Variants in CAPZA2 observed in about 807,000 individuals in gnomAD.
CAPZA2 encodes the protein F-actin-capping protein subunit alpha-2.
CAPZA2 carries 13 observed loss-of-function variants against 44.0 expected under a neutral mutation model. The ratio of observed to expected loss-of-function variants is 0.30; its 90% CI spans 0.19 to 0.47. CAPZA2 has a LOEUF of 0.47. Among genes scored for constraint, CAPZA2 ranks in the 20% least tolerant of loss-of-function variants. The pLI, the probability that CAPZA2 is intolerant of heterozygous loss-of-function variation, is 1.00. For missense variants in CAPZA2, 244 were observed against 338.6 expected, an observed-to-expected ratio of 0.72 and a Z score of 2.19; for synonymous variants, 94 against 108.2, an observed-to-expected ratio of 0.87 and a Z score of 0.81.
intron 2 of CAPZA2, among the ~76,000 whole-genome samples, chr7:116,890,597 T>TAC (rs780048437): frequency 2.0e-5 from 1 of 49,528 alleles, no homozygotes; most frequent in African/African-American, 1.8e-4. Flanking sequence ...TATATATATA[T>TAC]ACACACACAC....
chr7:116,891,672 C>T (rs1045281251), intron 2 of CAPZA2, among the ~76,000 whole-genome samples: 4 of 152,102 alleles, frequency 2.6e-5, no homozygotes, highest in South Asian at 2.1e-4. Context: ...CCACCACGCC[C>T]GGCTAGTTTT....
At chr7:116,911,005 A>AG (rs1329966272) in intron 7 of CAPZA2, among the ~76,000 whole-genome samples, 1 of 150,946 alleles carries the variant, frequency 6.6e-6, no homozygotes, top group African/African-American at 2.4e-5. Flanking sequence ...AAAAAAAAAA[A>AG]AAAAAAAGCA....
intron 6 of CAPZA2, among the ~76,000 whole-genome samples, chr7:116,907,188 C>T (rs945046399): frequency 2.0e-5 from 3 of 152,220 alleles, no homozygotes; most frequent in Non-Finnish European, 4.4e-5. Flanking sequence ...GGTTGCTCCA[C>T]TGCTTAGCCA....
intron 1 of CAPZA2, among the ~76,000 whole-genome samples, chr7:116,869,727 A>G (rs1235701930): frequency 6.6e-6 from 1 of 152,236 alleles, no homozygotes; most frequent in East Asian, 1.9e-4. Flanking sequence ...CATTCCATGT[A>G]TGTCTAGCGT....
rs577912245 is a variant in CAPZA2, at chr7:116,915,925, C to T, written c.658-135C>T. On this transcript the variant is annotated intron_variant, in intron 8 of 9. Transcript: ENST00000361183. ...TCCCCTTAGACTTAGAATAATTGAT[C>T]TTACAATATTTATTCTATGTCATAA... The T allele has an allele frequency of 1.0e-5, 6 of 589,640 alleles. No homozygotes were observed. The South Asian group carries it at 1.4e-4, about 14-fold the overall frequency. 36.5% of individuals were successfully genotyped at this position (589,640 alleles called of 1,614,324 possible).
At chr7:116,910,379 T>G (rs79626340) in intron 7 of CAPZA2, 68 bp downstream of exon 7, 8,661 of 808,878 alleles carry the variant, frequency 0.011, 468 homozygotes, top group Admixed American at 0.092. Context: ...ATTCCTAAGT[T>G]TACATTTTCA....
At chr7:116,880,393 ATTTGTT>A (rs999988154) in intron 1 of CAPZA2, among the ~76,000 whole-genome samples, 1 of 151,820 alleles carries the variant, frequency 6.6e-6, no homozygotes, top group Non-Finnish European at 1.5e-5. Flanking sequence ...GCCTACTAGA[ATTTGTT>A]TTTGTTTTTG....
intron 8 of CAPZA2, among the ~76,000 whole-genome samples, chr7:116,914,675 C>T (rs1397241938): frequency 6.6e-6 from 1 of 152,072 alleles, no homozygotes; most frequent in Non-Finnish European, 1.5e-5. Flanking sequence ...CCAGGCTGGT[C>T]TCAAACCCTG....
At chr7:116,864,013 A>G (rs1302193368) in intron 1 of CAPZA2, among the ~76,000 whole-genome samples, 2 of 152,124 alleles carry the variant, frequency 1.3e-5, no homozygotes, top group Non-Finnish European at 2.9e-5. Context: ...GGGGGCGAGC[A>G]ACGTCTCCAT....
chr7:116,912,205 A>G (rs1169096932), intron 8 of CAPZA2, 65 bp downstream of exon 8: 4 of 1,583,822 alleles, frequency 2.5e-6, no homozygotes, highest in Non-Finnish European at 3.4e-6. Context: ...CAGTTTTGGA[A>G]TGAACATTTT....
At chr7:116,880,262 C>A (rs1217130635) in intron 1 of CAPZA2, 1 of 343,568 alleles carries the variant, frequency 2.9e-6, no homozygotes, top group Non-Finnish European at 5.6e-6. Context: ...TGAGTTGGTT[C>A]AAATAATTGT....
intron 6 of CAPZA2, 196 bp from the exon 7 acceptor site, chr7:116,910,037 G>T: frequency 1.8e-6 from 1 of 557,772 alleles, no homozygotes; most frequent in Non-Finnish European, 3.2e-6. Context: ...CTTATCAGTA[G>T]GGTGAAAATT....
chr7:116,881,546 T>C (rs1009831708), intron 1 of CAPZA2, among the ~76,000 whole-genome samples: 9 of 152,096 alleles, frequency 5.9e-5, no homozygotes, highest in African/African-American at 1.2e-4. Context: ...AAGACCATCC[T>C]GGCTAACACG....
chr7:116,908,458 G>C (rs985105531), intron 6 of CAPZA2, among the ~76,000 whole-genome samples: 1 of 152,048 alleles, frequency 6.6e-6, no homozygotes, highest in African/African-American at 2.4e-5. Context: ...TGTAATTACA[G>C]AGTTAATAAA....
intron 1 of CAPZA2, among the ~76,000 whole-genome samples, chr7:116,869,940 G>T (rs1414951850): frequency 6.6e-6 from 1 of 152,136 alleles, no homozygotes; most frequent in East Asian, 1.9e-4. Flanking sequence ...CACAATCTCG[G>T]CTCACTGCAA....
intron 2 of CAPZA2, chr7:116,888,459 GGA>G: frequency 3.3e-6 from 1 of 301,566 alleles, no homozygotes; most frequent in Non-Finnish European, 6.0e-6. Context: ...TTCTGGGAAA[GGA>G]GAGTCTTTTT....
chr7:116,880,734 T>TTTTTG (rs1796686279), intron 1 of CAPZA2, among the ~76,000 whole-genome samples: 1 of 107,228 alleles, frequency 9.3e-6, no homozygotes, highest in Non-Finnish European at 1.9e-5. Flanking sequence ...TTTTTTTTTT[T>TTTTTG]GAGACAGTCT....
At chr7:116,888,479 G>T (rs2115919698) in intron 2 of CAPZA2, 1 of 253,994 alleles carries the variant, frequency 3.9e-6, no homozygotes. Flanking sequence ...TTTGGTAAAT[G>T]GTTTTATTTA....
chr7:116,876,295 G>T (rs1796621339), intron 1 of CAPZA2: 1 of 151,792 alleles, frequency 6.6e-6, no homozygotes, highest in African/African-American at 2.4e-5. Flanking sequence ...GGTTTGACTG[G>T]CTCCTGAATT....
Sources: gnomAD v4.1 joint callset for allele counts (sites outside exome capture counted in the v4.1 genomes callset) on GRCh38, gnomAD v4.1.1 for gene constraint, MANE v1.5 for transcripts, NCBI Gene and HGNC (gene_info 2026-07-23, HGNC 2026-07-21) for gene names.